The following TLL1 variants were observed in gnomAD, a reference collection of about 807,000 sequenced individuals.
TLL1 encodes the protein tolloid-like protein 1.
Under a neutral mutation model 128.2 loss-of-function variants are expected in TLL1, and 49 were observed. The observed-to-expected ratio is 0.38, with a 90% CI of 0.30 to 0.48. TLL1 has a LOEUF of 0.48. Ranked by LOEUF, TLL1 falls within the 20% of genes least tolerant of loss-of-function variation. The probability of loss-of-function intolerance (pLI) is 0.96; values close to 1 mark genes in which losing one functional copy is unlikely to be tolerated. For synonymous variants in TLL1, 454 were observed against 418.8 expected (o/e 1.08, Z -1.03); for missense variants, 1,123 against 1,242.0 (o/e 0.90, Z 1.44).
chr4:166,055,359 A>C (rs1739955966), intron 13 of TLL1, 88 bp downstream of exon 13: 1 of 1,174,836 alleles, frequency 8.5e-7, no homozygotes, highest in African/African-American at 1.5e-5. Flanking sequence ...AACTAGAGAA[A>C]GTTGTATTGA....
chr4:166,059,644 C>T (rs1308218539), intron 14 of TLL1, among the ~76,000 whole-genome samples: 1 of 151,602 alleles, frequency 6.6e-6, no homozygotes, highest in Non-Finnish European at 1.5e-5. Context: ...TTCTCAATTC[C>T]GACAAAAAAA....
intron 1 of TLL1, among the ~76,000 whole-genome samples, chr4:165,874,412 C>T (rs1263377109): frequency 6.6e-6 from 1 of 152,206 alleles, no homozygotes. Flanking sequence ...AATTCCAACA[C>T]TCAGCGGGCT....
rs753515510 is a variant in TLL1 at position 166,003,420 on chromosome 4, A to G, written c.662A>G (p.Asn221Ser). The G allele has an allele frequency of 3.8e-5, 61 of 1,613,892 alleles. No homozygotes were observed. In the South Asian group the frequency reaches 6.5e-4, roughly 17 times the overall value. ...TGCTCCTATGTAGGTCGGCGAGGAA[A>G]TGGACCTCAGGCAATCTCTATCGGC... ...GCCSYVGRRG[N>S]GPQAISIGKN... Residue 221 changes from asparagine (N) to serine (S), a missense_variant, in exon 6 of 21, where the codon AAT becomes AGT. Physicochemically the swap from Asn to Ser is conservative, Grantham distance 46. Coordinates refer to ENST00000061240, the MANE Select transcript of TLL1 (RefSeq NM_012464.5).
At chr4:166,041,935 G>T in intron 10 of TLL1, 92 bp from the exon 11 acceptor site, 1 of 846,890 alleles carries the variant, frequency 1.2e-6, no homozygotes. Flanking sequence ...GAACCAAATC[G>T]GTGTTTACAT....
chr4:165,986,527 C>A (rs1294178991), intron 1 of TLL1, among the ~76,000 whole-genome samples: 1 of 151,952 alleles, frequency 6.6e-6, no homozygotes, highest in Non-Finnish European at 1.5e-5. Context: ...CTCACTATTG[C>A]TTTCTCTCAA....
chr4:165,960,615 ACAAT>A (rs1735051146), intron 1 of TLL1, among the ~76,000 whole-genome samples: 1 of 152,204 alleles, frequency 6.6e-6, no homozygotes, highest in East Asian at 1.9e-4. Flanking sequence ...TTAATTCACC[ACAAT>A]CAAATAGGTT....
intron 8 of TLL1, among the ~76,000 whole-genome samples, chr4:166,024,976 T>G (rs906727487): frequency 6.6e-6 from 1 of 152,168 alleles, no homozygotes; most frequent in Non-Finnish European, 1.5e-5. Context: ...AGCCATATCG[T>G]CCAGGTATCA....
At chr4:166,000,746 T>C (rs1451763781) in intron 5 of TLL1, among the ~76,000 whole-genome samples, 1 of 152,194 alleles carries the variant, frequency 6.6e-6, no homozygotes, top group Non-Finnish European at 1.5e-5. Context: ...ATCTAATATA[T>C]TTTTAGGCAT....
At position 166,099,422 on chromosome 4, in the gene TLL1, G is replaced by A; in HGVS notation, c.2802G>A (p.Gln934=). The part of the protein sequence containing the change: ...ERGSRLELSF[Q]TFEVEEEADC... ...GCTCTCGACTTGAATTATCCTTCCA[G>A]ACATTTGAAGTGGAGGAAGAAGCAG... The change falls in exon 20 of 21, where the codon CAG becomes CAA. Residue 934 remains glutamine (Q), a synonymous_variant. Coordinates refer to ENST00000061240, the MANE Select transcript of TLL1 (RefSeq NM_012464.5). The A allele has an allele frequency of 6.2e-7, 1 of 1,613,522 alleles. No homozygotes were observed. The highest frequency in any genetic ancestry group is 8.5e-7 in the Non-Finnish European group (1 of 1,179,656).
Position 166,065,838 on chromosome 4 carries a change from G to A in TLL1, c.2163G>A (p.Lys721=), listed in dbSNP as rs759093418. 1 of 1,612,752 alleles carries A rather than the reference G, an allele frequency of 6.2e-7. No individual in the cohort carries two copies. Among genetic ancestry groups the A allele is most frequent in the South Asian group, 1.1e-5 (1 of 91,072 alleles). Residue 721 remains lysine (K), a synonymous_variant, in exon 16 of 21, where the codon AAG becomes AAA. Coordinates refer to ENST00000061240, the MANE Select transcript of TLL1 (RefSeq NM_012464.5). ...AATCTGACAATACTGTATCCAAGAAGGGCTTCAAAGCACATTTTTTCTCAG... is the reference window on the plus strand; with the variant it reads ...AATCTGACAATACTGTATCCAAGAAAGGCTTCAAAGCACATTTTTTCTCAG... The part of the protein sequence containing the change: ...EFKSDNTVSK[K]GFKAHFFSDK...
intron 1 of TLL1, among the ~76,000 whole-genome samples, chr4:165,911,797 T>C (rs935764382): frequency 1.3e-5 from 2 of 152,154 alleles, no homozygotes; most frequent in African/African-American, 4.8e-5. Context: ...CCAAATGTCT[T>C]GTAATTAATG....
At chr4:165,885,270 G>A (rs905030564) in intron 1 of TLL1, among the ~76,000 whole-genome samples, 5 of 151,960 alleles carry the variant, frequency 3.3e-5, no homozygotes, top group Non-Finnish European at 7.4e-5. Flanking sequence ...AAATCTCTAA[G>A]GCTGTTCGAG....
At chr4:165,917,423 T>C (rs1732833957) in intron 1 of TLL1, among the ~76,000 whole-genome samples, 2 of 152,196 alleles carry the variant, frequency 1.3e-5, no homozygotes, top group African/African-American at 2.4e-5. Flanking sequence ...GAGCCTTTTT[T>C]TCCTTGGGTA....
chr4:166,032,396 G>T lies in TLL1; in HGVS notation c.1159-6943G>T, dbSNP rs573042426. The stretch of plus-strand genomic sequence containing the variant: ...AATAGTTGGCAAATTCACAAACAAT[G>T]GTAATATGGGGGAGTGGGTTGCACT... On this transcript the variant is annotated intron_variant, in intron 9 of 20. Coordinates refer to ENST00000061240, the MANE Select transcript of TLL1 (RefSeq NM_012464.5). 2.0e-4 allele frequency among the ~76,000 whole-genome samples: 30 copies of T among 152,144 alleles called. No homozygotes were observed. In the East Asian group the frequency reaches 4.8e-3, roughly 25 times the overall value.
chr4:165,903,733 T>TCACACACACACACACA (rs5863787), intron 1 of TLL1, among the ~76,000 whole-genome samples: 2 of 144,804 alleles, frequency 1.4e-5, no homozygotes, highest in South Asian at 2.3e-4. Flanking sequence ...TAAGTTCTTA[T>TCACACACACACACACA]CACACACACA....
At position 166,065,728 on chromosome 4, in the gene TLL1, G is replaced by A; in HGVS notation, c.2053G>A (p.Glu685Lys). ...YVEIWSGLSS[E>K]SKLHGKFCGA... ...GGAGATCTGGAGTGGTCTTTCCTCT[G>A]AGTCTAAACTGCATGGCAAATTCTG... The change falls in exon 16 of 21, where the codon GAG (glutamate) becomes AAG (lysine). Residue 685 changes from glutamate (E) to lysine (K), a missense_variant. By Grantham distance (56) the Glu-to-Lys change is moderately conservative. This residue lies in a region of TLL1 where 634 missense variants were observed against 672.4 expected (regional missense o/e 0.94). Transcript: ENST00000061240. 6.2e-7 allele frequency: 1 copy of A among 1,609,820 alleles called. No individual in the cohort carries two copies. Among genetic ancestry groups the A allele is most frequent in the Non-Finnish European group, 8.5e-7 (1 of 1,178,132 alleles).
intron 1 of TLL1, among the ~76,000 whole-genome samples, chr4:165,983,483 C>A (rs1433081294): frequency 6.6e-6 from 1 of 151,790 alleles, no homozygotes; most frequent in African/African-American, 2.4e-5. Flanking sequence ...TAACAAACAT[C>A]ATGAAAAATG....
chr4:165,941,257 T>G (rs550780718), intron 1 of TLL1, among the ~76,000 whole-genome samples: 13 of 152,228 alleles, frequency 8.5e-5, no homozygotes, highest in African/African-American at 3.1e-4. Context: ...TGATTTCTAC[T>G]CCTTATTTAT....
chr4:165,942,181 A>G (rs1203803486), intron 1 of TLL1, among the ~76,000 whole-genome samples: 2 of 151,898 alleles, frequency 1.3e-5, no homozygotes, highest in Admixed American at 6.6e-5. Flanking sequence ...GCTCCCAACA[A>G]CATTGGCATT....
Sources: allele counts gnomAD v4.1 joint callset (sites outside exome capture counted in the v4.1 genomes callset), GRCh38; gene constraint gnomAD v4.1.1; regional missense constraint gnomAD v4.1.1; transcripts MANE v1.5; gene names NCBI Gene and HGNC (gene_info 2026-07-23, HGNC 2026-07-21).